The following TSC2 variants were observed in gnomAD, a reference collection of about 807,000 sequenced individuals.
The protein encoded by TSC2 is TSC complex subunit 2.
TSC2 carries 29 observed loss-of-function variants against 202.2 expected under a neutral mutation model. The ratio of observed to expected loss-of-function variants is 0.14; its 90% CI spans 0.11 to 0.20. The LOEUF is 0.20. Ranked by LOEUF, TSC2 falls within the 10% of genes least tolerant of loss-of-function variation. The pLI is 1.00. For missense variants in TSC2, 2,429 were observed against 2,420.0 expected, an observed-to-expected ratio of 1.00 and a Z score of -0.08; for synonymous variants, 1,349 against 1,044.0, an observed-to-expected ratio of 1.29 and a Z score of -5.63.
chr16:2,062,086 C>G, intron 12 of TSC2, 78 bp downstream of exon 12: 1 of 1,597,972 alleles, frequency 6.3e-7, no homozygotes, highest in Admixed American at 1.7e-5. Flanking sequence ...GTGCAGCTTT[C>G]TGAGCCTCAG....
At chr16:2,082,594 G>A (rs1409405449) in intron 32 of TSC2, 90 bp downstream of exon 32, 2 of 1,433,514 alleles carry the variant, frequency 1.4e-6, no homozygotes, top group African/African-American at 1.4e-5. Context: ...CCACCCCCAT[G>A]GTCCGTCTGC....
chr16:2,078,475 C>T (rs1236898778), intron 26 of TSC2: 1 of 183,040 alleles, frequency 5.5e-6, no homozygotes, highest in Non-Finnish European at 1.2e-5. Flanking sequence ...AGGCTTAAAG[C>T]CATTTTCTAG....
intron 3 of TSC2, 86 bp downstream of exon 3, chr16:2,050,572 G>C: frequency 1.9e-6 from 2 of 1,060,072 alleles, no homozygotes; most frequent in Non-Finnish European, 2.9e-6. Flanking sequence ...ATGGTTGACA[G>C]CTGACTGCCG....
rs1421721957 is a variant in TSC2, at chr16:2,076,609, G to C, written c.2837+24G>C. The stretch of plus-strand genomic sequence containing the variant: ...AGGTACGGCCTGCGGGGGTGTGCCT[G>C]GAGTCGGTGTGGGGTGGGGAAGGAC... On this transcript the variant is annotated intron_variant, in intron 25 of 41. Transcript: ENST00000219476. 4.3e-6 allele frequency: 7 copies of C among 1,611,272 alleles called. No individual in the cohort carries two copies. The East Asian group carries it at 1.3e-4, about 31-fold the overall frequency.
At chr16:2,085,346 G>T (rs764559069) in intron 36 of TSC2, 24 bp downstream of exon 36, 6 of 1,611,982 alleles carry the variant, frequency 3.7e-6, no homozygotes, top group South Asian at 3.3e-5. Context: ...GCCGGCCTAG[G>T]TGCCTGGACA....
At chr16:2,050,284 G>A in intron 2 of TSC2, 116 bp from the exon 3 acceptor site, 1 of 1,010,178 alleles carries the variant, frequency 9.9e-7, no homozygotes. Context: ...AGAAAGATCT[G>A]TTTTAAGTCT....
chr16:2,062,695 C>A, intron 13 of TSC2, 95 bp downstream of exon 13: 3 of 1,303,370 alleles, frequency 2.3e-6, no homozygotes, highest in Non-Finnish European at 3.2e-6. Context: ...GCCCGATGAG[C>A]AGGGCCCTCC....
chr16:2,074,125 T>A, intron 21 of TSC2, 75 bp from the exon 22 acceptor site: 1 of 1,586,286 alleles, frequency 6.3e-7, no homozygotes, highest in Non-Finnish European at 8.6e-7. Flanking sequence ...GGTGGAGCAC[T>A]CGAGGTTGGC....
At chr16:2,071,420 G>A (rs139857848) in intron 17 of TSC2, 90 bp from the exon 18 acceptor site, 2 of 1,355,022 alleles carry the variant, frequency 1.5e-6, no homozygotes, top group South Asian at 2.4e-5. Context: ...AGTGCCTGTG[G>A]TGCTGGACGT....
intron 24 of TSC2, 42 bp downstream of exon 24, chr16:2,076,212 A>G (rs1262416193): frequency 6.2e-7 from 1 of 1,611,954 alleles, no homozygotes; most frequent in East Asian, 2.2e-5. Flanking sequence ...TCGGTAGGCC[A>G]GGGCTTGCTT....
rs1567532307 is a variant in TSC2, at chr16:2,086,197, A to G, written c.4667A>G (p.Asn1556Ser). Reference protein sequence around the residue: ...AVLYVGEGQSNSELAILSNEH... With the variant: ...AVLYVGEGQSSSELAILSNEH... ...GCCTCTCCCCTCTCCCCACAGAGCAACAGCGAGCTCGCCATCCTGTCCAAT... is the reference window on the plus strand; with the variant it reads ...GCCTCTCCCCTCTCCCCACAGAGCAGCAGCGAGCTCGCCATCCTGTCCAAT... The change falls in exon 37 of 42, where the codon AAC (asparagine) becomes AGC (serine). Residue 1556 changes from asparagine to serine, a missense_variant. By Grantham distance (46) the Asn-to-Ser change is conservative (BLOSUM62 1). Coordinates refer to ENST00000219476, the MANE Select transcript of TSC2 (RefSeq NM_000548.5). 6.2e-7 allele frequency: 1 copy of G among 1,612,332 alleles called. No individual in the cohort carries two copies. Among genetic ancestry groups the G allele is most frequent in the East Asian group, 2.2e-5 (1 of 44,862 alleles).
At chr16:2,075,730 A>G (rs2089235977) in intron 22 of TSC2, 69 bp from the exon 23 acceptor site, 4 of 1,530,876 alleles carry the variant, frequency 2.6e-6, no homozygotes, top group Non-Finnish European at 3.6e-6. Flanking sequence ...TGGGCAGAGC[A>G]GCCGTGTTGG....
In TSC2 at chr16:2,065,856, T is replaced by C. The variant is rs13331020; in HGVS notation, c.1716+221T>C. ...GTACGCCCTGACCAGAGCTTGTCTC[T>C]GTGCTCCTGAGTCAGGGCCGGAACC... is the stretch of plus-strand genomic sequence containing the variant. On this transcript the variant is annotated intron_variant, in intron 16 of 41. Transcript: ENST00000219476. Among the ~76,000 whole-genome samples, 7,546 of 152,242 alleles carry C rather than the reference T, an allele frequency of 0.05. 654 individuals carry two copies. Among genetic ancestry groups the C allele is most frequent in the African/African-American group, 0.17 (7,092 of 41,506 alleles).
At position 2,084,887 on chromosome 16, in the gene TSC2, C is replaced by T. The variant is rs550021097; in HGVS notation, c.4494-64C>T. ...AGATGGCCAGGCTCTGTGTTCCTCC[C>T]TGTGGGCTGTGGCTGCCCTGGCCAG... On this transcript the variant is annotated intron_variant, in intron 34 of 41. Coordinates refer to ENST00000219476, the MANE Select transcript of TSC2 (RefSeq NM_000548.5). 1.4e-5 allele frequency: 22 copies of T among 1,607,738 alleles called. No individual in the cohort carries two copies. In the East Asian group the frequency reaches 3.3e-4, roughly 24 times the overall value.
At chr16:2,065,887 C>T (rs1382479865) in intron 16 of TSC2, among the ~76,000 whole-genome samples, 1 of 152,198 alleles carries the variant, frequency 6.6e-6, no homozygotes, top group Non-Finnish European at 1.5e-5. Context: ...GAACCATGTA[C>T]CATCCTCAGC....
At chr16:2,053,216 G>C (rs2085341529) in intron 3 of TSC2, 126 bp from the exon 4 acceptor site, 1 of 916,084 alleles carries the variant, frequency 1.1e-6, no homozygotes, top group African/African-American at 1.6e-5. Context: ...GAGCTTTGGA[G>C]GTGGGGCTCT....
At chr16:2,063,410 C>T (rs557135414) in intron 14 of TSC2, 13 of 417,232 alleles carry the variant, frequency 3.1e-5, no homozygotes, top group South Asian at 1.6e-4. Context: ...TGACGTTCAC[C>T]CTGTGCACCT....
At position 2,062,018 on chromosome 16, in the gene TSC2, C is replaced by T. The variant is rs756063576; in HGVS notation, c.1257+10C>T. The T allele has an allele frequency of 4.3e-6, 7 of 1,613,972 alleles. No homozygotes were observed. The East Asian group carries it at 1.6e-4, about 36-fold the overall frequency. ...TGCGGACCAGAGGCCTGTGAGACCCCCTCCTGGGTGGGGCCTTTGGGCTTT... is the reference window on the plus strand; with the variant it reads ...TGCGGACCAGAGGCCTGTGAGACCCTCTCCTGGGTGGGGCCTTTGGGCTTT... On this transcript the variant is annotated intron_variant, in intron 12 of 41. Transcript: ENST00000219476.
At chr16:2,086,603 C>A in intron 37 of TSC2, 129 bp from the exon 38 acceptor site, 1 of 1,474,720 alleles carries the variant, frequency 6.8e-7, no homozygotes, top group Non-Finnish European at 9.1e-7. Context: ...GGACCACTGG[C>A]CAGGCACCAG....
Sources: gnomAD v4.1 joint callset for allele counts (sites outside exome capture counted in the v4.1 genomes callset) on GRCh38, gnomAD v4.1.1 for gene constraint, MANE v1.5 for transcripts, NCBI Gene and HGNC (gene_info 2026-07-23, HGNC 2026-07-21) for gene names.